SUPT3H: variants seen among roughly 807,000 people sequenced by gnomAD.
SUPT3H encodes SPT3 homolog, SAGA and STAGA complex component.
In SUPT3H, 44 loss-of-function variants were observed where a neutral mutation model predicts 44.3. The observed-to-expected ratio is 0.99, with a 90% CI of 0.78 to 1.28. SUPT3H has a LOEUF of 1.28. SUPT3H is among the 50% of genes most tolerant of loss of function. The probability of loss-of-function intolerance (pLI) is 0.00; values close to 1 mark genes in which losing one functional copy is unlikely to be tolerated. For missense variants in SUPT3H, 380 were observed against 387.1 expected, an observed-to-expected ratio of 0.98 and a Z score of 0.15; for synonymous variants, 124 against 125.6, an observed-to-expected ratio of 0.99 and a Z score of 0.09.
intron 2 of SUPT3H, among the ~76,000 whole-genome samples, chr6:45,107,649 T>C (rs1006717761): frequency 3.9e-5 from 6 of 152,190 alleles, no homozygotes; most frequent in African/African-American, 9.7e-5. Flanking sequence ...ACAGGTACCT[T>C]GTAGAAACAA....
At chr6:45,126,462 C>T (rs1175220993) in intron 2 of SUPT3H, among the ~76,000 whole-genome samples, 3 of 152,120 alleles carry the variant, frequency 2.0e-5, no homozygotes, top group African/African-American at 7.2e-5. Context: ...GAACCAGTGC[C>T]AGTGGATATT....
intron 5 of SUPT3H, among the ~76,000 whole-genome samples, chr6:45,011,474 GTTCTT>G (rs774422046): frequency 1.3e-5 from 2 of 151,702 alleles, no homozygotes; most frequent in African/African-American, 4.8e-5. Context: ...GCCACTTCTG[GTTCTT>G]TTCATTTCTT....
intron 2 of SUPT3H, among the ~76,000 whole-genome samples, chr6:45,214,688 A>T (rs1009408233): frequency 2.0e-5 from 3 of 152,138 alleles, no homozygotes; most frequent in African/African-American, 7.2e-5. Context: ...CTCTAAAATA[A>T]TTTATTTCAT....
intron 10 of SUPT3H, among the ~76,000 whole-genome samples, chr6:44,925,726 C>G (rs1357515480): frequency 1.3e-5 from 2 of 152,092 alleles, no homozygotes; most frequent in Non-Finnish European, 2.9e-5. Flanking sequence ...CACTAGACTA[C>G]CCCTCAGAGT....
At chr6:44,960,137 ATAGTTTATT>A (rs1292438390) in intron 7 of SUPT3H, among the ~76,000 whole-genome samples, 5 of 152,196 alleles carry the variant, frequency 3.3e-5, no homozygotes, top group African/African-American at 1.2e-4. Context: ...TTAATCTACT[ATAGTTTATT>A]ATTGAGTTAA....
At chr6:45,148,425 T>C (rs141114895) in intron 2 of SUPT3H, among the ~76,000 whole-genome samples, 2 of 152,240 alleles carry the variant, frequency 1.3e-5, no homozygotes, top group Non-Finnish European at 1.5e-5. Flanking sequence ...ATCCAACTGA[T>C]ACATTAGGGA....
chr6:45,057,012 A>G (rs1791233651), intron 3 of SUPT3H, among the ~76,000 whole-genome samples: 1 of 152,156 alleles, frequency 6.6e-6, no homozygotes, highest in African/African-American at 2.4e-5. Flanking sequence ...TAAATAAGGT[A>G]TTATAAACAT....
chr6:44,845,967 C>T (rs1771802656), intron 10 of SUPT3H, among the ~76,000 whole-genome samples: 1 of 152,186 alleles, frequency 6.6e-6, no homozygotes, highest in Non-Finnish European at 1.5e-5. Flanking sequence ...ACACAAGCTG[C>T]CTATGGACGG....
At chr6:44,920,455 G>C (rs1278001881) in intron 10 of SUPT3H, among the ~76,000 whole-genome samples, 1 of 151,698 alleles carries the variant, frequency 6.6e-6, no homozygotes, top group African/African-American at 2.4e-5. Context: ...ATAACTACTT[G>C]GGAGCCTGAG....
intron 2 of SUPT3H, among the ~76,000 whole-genome samples, chr6:45,272,570 T>C (rs1294864918): frequency 6.6e-6 from 1 of 152,130 alleles, no homozygotes; most frequent in Non-Finnish European, 1.5e-5. Context: ...GGCTAATACA[T>C]TGACCTTTAA....
chr6:45,130,461 T>C (rs1292414833), intron 2 of SUPT3H, among the ~76,000 whole-genome samples: 1 of 152,068 alleles, frequency 6.6e-6, no homozygotes, highest in Non-Finnish European at 1.5e-5. Context: ...TCTTTTCAGT[T>C]ACTATGAGCA....
chr6:44,961,947 G>C, intron 6 of SUPT3H, 119 bp from the exon 7 acceptor site: 1 of 662,708 alleles, frequency 1.5e-6, no homozygotes, highest in South Asian at 2.0e-5. Context: ...GAACAGGGTA[G>C]TACTACCACA....
In SUPT3H at chr6:45,164,130, C is replaced by T. The variant is rs74733480; in HGVS notation, c.102-58124G>A. ...TCAGCTCTCACACAGAGATGCCCAC[C>T]AGAGGACAGAGCTGTGGGGGGCAGT... On this transcript the variant is annotated intron_variant, in intron 2 of 10. Transcript: ENST00000371459. Among the ~76,000 whole-genome samples the T allele has an allele frequency of 7.4e-4, 113 of 152,248 alleles. 1 individual carries two copies. The East Asian group carries it at 0.019, about 26-fold the overall frequency.
intron 6 of SUPT3H, among the ~76,000 whole-genome samples, chr6:44,997,357 A>G (rs1052236275): frequency 6.6e-6 from 1 of 151,780 alleles, no homozygotes; most frequent in African/African-American, 2.4e-5. Context: ...AATGAGTTAC[A>G]TATTTCTTTT....
intron 3 of SUPT3H, among the ~76,000 whole-genome samples, chr6:45,047,717 G>A (rs1240897080): frequency 6.6e-6 from 1 of 151,956 alleles, no homozygotes; most frequent in Non-Finnish European, 1.5e-5. Flanking sequence ...CCACTAGTGT[G>A]CAAAGGTTCT....
intron 6 of SUPT3H, among the ~76,000 whole-genome samples, chr6:44,998,323 C>T (rs1280531355): frequency 6.6e-6 from 1 of 151,844 alleles, no homozygotes; most frequent in Non-Finnish European, 1.5e-5. Context: ...AGGTTTAGTA[C>T]TTCCTGATGA....
intron 10 of SUPT3H, among the ~76,000 whole-genome samples, chr6:44,846,085 T>C (rs981615371): frequency 9.2e-5 from 14 of 152,290 alleles, no homozygotes; most frequent in Admixed American, 3.3e-4. Context: ...CCCGTCTTTA[T>C]GCTCCCCTAG....
chr6:44,889,927 A>G (rs1258921882), intron 10 of SUPT3H, among the ~76,000 whole-genome samples: 6 of 151,536 alleles, frequency 4.0e-5, no homozygotes, highest in Non-Finnish European at 8.9e-5. Flanking sequence ...AAAAAAACAA[A>G]CAACCCCATC....
At chr6:45,012,646 C>T (rs1348144622) in intron 5 of SUPT3H, among the ~76,000 whole-genome samples, 1 of 151,970 alleles carries the variant, frequency 6.6e-6, no homozygotes, top group Non-Finnish European at 1.5e-5. Context: ...AGTCCTACAT[C>T]TGGGCCCCCA....
Sources: allele counts gnomAD v4.1 joint callset (sites outside exome capture counted in the v4.1 genomes callset), GRCh38; gene constraint gnomAD v4.1.1; transcripts MANE v1.5; gene names NCBI Gene and HGNC (gene_info 2026-07-23, HGNC 2026-07-21).